The following TRA2B variants were observed in gnomAD, a reference collection of about 807,000 sequenced individuals.
TRA2B encodes the protein transformer-2 protein homolog beta.
TRA2B carries 14 observed loss-of-function variants against 41.7 expected under a neutral mutation model. That is an observed-to-expected ratio of 0.34 (90% confidence interval 0.22 to 0.53). The LOEUF (loss-of-function observed/expected upper bound fraction) is 0.53. Among genes scored for constraint, TRA2B ranks in the 20% least tolerant of loss-of-function variants. The probability of loss-of-function intolerance (pLI) is 0.95; values close to 1 mark genes in which losing one functional copy is unlikely to be tolerated. For missense variants in TRA2B, 167 were observed against 396.8 expected, an observed-to-expected ratio of 0.42 and a Z score of 4.92; for synonymous variants, 130 against 128.8, an observed-to-expected ratio of 1.01 and a Z score of -0.06.
At chr3:185,926,854 G>A (rs1743972304) in intron 1 of TRA2B, 120 bp from the exon 2 acceptor site, 6 of 1,248,150 alleles carry the variant, frequency 4.8e-6, no homozygotes, top group Non-Finnish European at 6.6e-6. Flanking sequence ...GAAAATATAG[G>A]TAAGGGCAGG....
intron 3 of TRA2B, 65 bp from the exon 4 acceptor site, chr3:185,924,049 G>T (rs1743842116): frequency 1.0e-5 from 15 of 1,469,138 alleles, no homozygotes; most frequent in Non-Finnish European, 1.4e-5. Flanking sequence ...GTTTAAAAAG[G>T]GAGCTGTATA....
chr3:185,926,701 G>A lies in TRA2B; in HGVS notation c.70C>T (p.His24Tyr), dbSNP rs1195044591. The A allele has an allele frequency of 6.2e-7, 1 of 1,614,100 alleles. No individual in the cohort carries two copies. Among genetic ancestry groups the A allele is most frequent in the East Asian group, 2.2e-5 (1 of 44,876 alleles). Reference protein sequence around the residue: ...SRSASRSGSAHGSGKSARHTP... With the variant: ...SRSASRSGSAYGSGKSARHTP... ...TGCCTTGCAGATTTCCCCGATCCGT[G>A]AGCACTTCCACTTCTGGAAGCAGAA... The change falls in exon 2 of 9, where the codon CAC becomes TAC. Residue 24 changes from histidine to tyrosine, a missense_variant. Physicochemically the swap from His to Tyr is moderately conservative, Grantham distance 83. Transcript: ENST00000453386.
chr3:185,928,994 A>G (rs1744053648), intron 1 of TRA2B: 1 of 152,236 alleles, frequency 6.6e-6, no homozygotes, highest in Non-Finnish European at 1.5e-5. Context: ...CAGATCACAG[A>G]TACAATATTT....
chr3:185,934,445 T>C (rs541772362), intron 1 of TRA2B: 152 of 985,420 alleles, frequency 1.5e-4, no homozygotes, highest in Non-Finnish European at 1.7e-4. Flanking sequence ...AAATCACCTG[T>C]AATGTCAGCT....
intron 1 of TRA2B, chr3:185,937,456 G>A: frequency 9.6e-7 from 1 of 1,045,726 alleles, no homozygotes; most frequent in East Asian, 7.6e-5. Flanking sequence ...CGCCCAGCCC[G>A]CCAGCCCAAG....
rs1441992364 is a variant in TRA2B at position 185,937,317 on chromosome 3, G to A, written c.36+508C>T. The stretch of plus-strand genomic sequence containing the variant: ...CGGTCCTTCGTTAACCTAAACACCG[G>A]CCCAAAGACCCAAAAGAACGTCGTC... On this transcript the variant is annotated intron_variant, in intron 1 of 8. Transcript: ENST00000453386. 3 of 988,528 alleles carry A rather than the reference G, an allele frequency of 3.0e-6. No homozygotes were observed. In the African/African-American group the frequency reaches 5.2e-5, roughly 17 times the overall value. 61.2% of individuals were successfully genotyped at this position (988,528 alleles called of 1,614,324 possible). A position where few individuals can be genotyped will look rare whatever the true frequency, so the allele number is the denominator to read the frequency against.
intron 1 of TRA2B, chr3:185,935,301 G>A: frequency 1.0e-6 from 1 of 985,360 alleles, no homozygotes; most frequent in Non-Finnish European, 1.2e-6. Flanking sequence ...CTGCTAATTA[G>A]ACCCCTATAG....
intron 1 of TRA2B, chr3:185,927,672 A>C (rs1359414166): frequency 6.6e-6 from 1 of 152,214 alleles, no homozygotes; most frequent in Non-Finnish European, 1.5e-5. Flanking sequence ...ATTGGCTGGC[A>C]GGTTAAGGGG....
At chr3:185,920,636 C>G (rs115299310) in intron 6 of TRA2B, among the ~76,000 whole-genome samples, 102 of 152,060 alleles carry the variant, frequency 6.7e-4, no homozygotes, top group African/African-American at 2.4e-3. Context: ...TTCACTGCAA[C>G]CTCTGCCTGC....
intron 1 of TRA2B, among the ~76,000 whole-genome samples, chr3:185,929,904 C>A (rs540441597): frequency 5.9e-5 from 9 of 152,234 alleles, no homozygotes; most frequent in African/African-American, 2.2e-4. Context: ...ACTGTCATCC[C>A]CTTCCTTGTT....
chr3:185,919,341 G>T (rs1016044776), intron 7 of TRA2B, 96 bp downstream of exon 7: 4 of 925,198 alleles, frequency 4.3e-6, no homozygotes, highest in African/African-American at 1.7e-5. Context: ...CTGATTTTGG[G>T]TATTCCACTT....
At chr3:185,936,462 GATT>G (rs1235487839) in intron 1 of TRA2B, 1 of 985,262 alleles carries the variant, frequency 1.0e-6, no homozygotes, top group Non-Finnish European at 1.2e-6. Context: ...CGCAAGGCTT[GATT>G]AGTTCAAACC....
At chr3:185,936,557 A>T in intron 1 of TRA2B, 2 of 985,448 alleles carry the variant, frequency 2.0e-6, no homozygotes, top group Non-Finnish European at 2.4e-6. Flanking sequence ...TACTCTGAGG[A>T]ATCATATAAA....
Position 185,937,997 on chromosome 3 carries a change from C to G in TRA2B, c.-137G>C. 1.1e-6 allele frequency: 1 copy of G among 949,892 alleles called. No individual in the cohort carries two copies. The highest frequency in any genetic ancestry group is 1.6e-6 in the Non-Finnish European group (1 of 621,798). 58.8% of individuals were successfully genotyped at this position (949,892 alleles called of 1,614,324 possible). ...CGCTCAGAGCCGAAATGCTCCGCAC[C>G]GCCTCCGCACGGGCTCTAACTCTAC... On this transcript the variant is annotated 5_prime_UTR_variant, in exon 1 of 9. Transcript: ENST00000453386.
At chr3:185,937,751 C>G in intron 1 of TRA2B, 74 bp downstream of exon 1, 2 of 1,606,026 alleles carry the variant, frequency 1.2e-6, no homozygotes, top group African/African-American at 1.3e-5. Context: ...CCTCCTGGCC[C>G]GAGGCCGACG....
chr3:185,918,584 G>A (rs774063594), intron 7 of TRA2B, 146 bp from the exon 8 acceptor site: 38 of 496,568 alleles, frequency 7.7e-5, no homozygotes, highest in Non-Finnish European at 6.1e-5. Context: ...TAAATCTTGA[G>A]AATGAAGCAC....
At position 185,936,722 on chromosome 3, in the gene TRA2B, A is replaced by G. The variant is rs1035775293; in HGVS notation, c.36+1103T>C. The G allele has an allele frequency of 8.1e-6, 8 of 985,100 alleles. No individual in the cohort carries two copies. In the African/African-American group the frequency reaches 1.2e-4, roughly 15 times the overall value. The allele number at this position is 985,100 out of a possible 1,614,324, so 61.0% of individuals were successfully genotyped here. On this transcript the variant is annotated intron_variant, in intron 1 of 8. Transcript: ENST00000453386. ...ACAAATTATTCCCACAGCCTCAAAA[A>G]TCAATTTCTATGGTGCTTTTCTATC... is the stretch of plus-strand genomic sequence containing the variant.
At chr3:185,926,973 A>T (rs1408333033) in intron 1 of TRA2B, 1 of 422,694 alleles carries the variant, frequency 2.4e-6, no homozygotes, top group Non-Finnish European at 4.3e-6. Flanking sequence ...ATTTGACCCC[A>T]CTTCCTTCAG....
chr3:185,935,134 A>G, intron 1 of TRA2B: 1 of 985,442 alleles, frequency 1.0e-6, no homozygotes, highest in Middle Eastern at 5.2e-4. Context: ...AACTTCTTGT[A>G]ATTGTGACTT....
Sources: allele counts gnomAD v4.1 joint callset (sites outside exome capture counted in the v4.1 genomes callset), GRCh38; gene constraint gnomAD v4.1.1; transcripts MANE v1.5; gene names NCBI Gene and HGNC (gene_info 2026-07-23, HGNC 2026-07-21).